Variants in PRPH2 observed in about 807,000 individuals in gnomAD.
PRPH2 encodes the protein peripherin-2.
Under a neutral mutation model 31.3 loss-of-function variants are expected in PRPH2, and 17 were observed. The observed-to-expected ratio is 0.54, with a 90% CI of 0.37 to 0.81. PRPH2 has a LOEUF of 0.81. PRPH2 is among the 40% of genes least tolerant of loss of function. The probability of loss-of-function intolerance (pLI) is 0.00; values close to 1 mark genes in which losing one functional copy is unlikely to be tolerated. For missense variants in PRPH2, 430 were observed against 439.7 expected (o/e 0.98, Z 0.20); for synonymous variants, 165 against 184.4 (o/e 0.89, Z 0.85).
At chr6:42,702,623 G>T (rs1800067502) in intron 2 of PRPH2, among the ~76,000 whole-genome samples, 1 of 151,942 alleles carries the variant, frequency 6.6e-6, no homozygotes, top group South Asian at 2.1e-4. Context: ...CAGCACTTTG[G>T]GAGGCCGAGG....
Position 42,707,811 on chromosome 6 carries a change from G to A in PRPH2, c.582-3200C>T, listed in dbSNP as rs145660653. Among the ~76,000 whole-genome samples the A allele has an allele frequency of 9.8e-3, 1,496 of 152,162 alleles. 28 individuals are homozygous for A. The highest frequency in any genetic ancestry group is 0.034 in the African/African-American group (1,428 of 41,490). ...CCCTGTAATCCCTGCCCTCTACTTCGTGGGCAGAACACACTGCCCAGAGAC... is the reference window on the plus strand; with the variant it reads ...CCCTGTAATCCCTGCCCTCTACTTCATGGGCAGAACACACTGCCCAGAGAC... On this transcript the variant is annotated intron_variant, in intron 1 of 2. Transcript: ENST00000230381.
chr6:42,698,454 G>T lies in PRPH2; in HGVS notation c.882C>A (p.Ser294=). The T allele has an allele frequency of 6.2e-7, 1 of 1,614,162 alleles. No individual in the cohort carries two copies. Among genetic ancestry groups the T allele is most frequent in the Non-Finnish European group, 8.5e-7 (1 of 1,180,016 alleles). The change falls in exon 3 of 3, where the codon TCC becomes TCA. Residue 294 remains serine (S), a synonymous_variant. Coordinates refer to ENST00000230381, the MANE Select transcript of PRPH2 (RefSeq NM_000322.5). ...RYLQTSLDGV[S]NPEESESESQ... ...TCTCGCTCTCAGATTCCTCGGGGTT[G>T]GACACACCATCCAGCGACGTCTGTA... is the stretch of plus-strand genomic sequence containing the variant.
chr6:42,700,712 GA>G lies in PRPH2; in HGVS notation c.829-2206del, dbSNP rs1462079306. On this transcript the variant is annotated intron_variant, in intron 2 of 2. Coordinates refer to ENST00000230381, the MANE Select transcript of PRPH2 (RefSeq NM_000322.5). ...CACTGTGAGTTTTGCACTTGGTAGT[GA>G]TCCTCCCTTTGGCTCATAAATTAGA... Among the ~76,000 whole-genome samples the G allele has an allele frequency of 3.9e-5, 6 of 152,278 alleles. No individual in the cohort carries two copies. In the South Asian group the frequency reaches 1.2e-3, roughly 32 times the overall value.
intron 1 of PRPH2, among the ~76,000 whole-genome samples, chr6:42,705,585 AAAAAAAAAAAAAAAATATATATAT>A (rs1191213761): frequency 0.025 from 441 of 17,560 alleles, 22 homozygotes; most frequent in Middle Eastern, 0.043. Context: ...AAAAAAAAAA[AAAAAAAAAAAAAAAATATATATAT>A]ATATATATAT....
At chr6:42,715,375 A>G (rs973159180) in intron 1 of PRPH2, among the ~76,000 whole-genome samples, 3 of 151,910 alleles carry the variant, frequency 2.0e-5, no homozygotes, top group African/African-American at 7.3e-5. Context: ...CTCCCCTAAG[A>G]CAGAGCAGCC....
chr6:42,700,044 C>T (rs1432031040), intron 2 of PRPH2, among the ~76,000 whole-genome samples: 5 of 150,374 alleles, frequency 3.3e-5, no homozygotes, highest in Admixed American at 6.6e-5. Context: ...CTGCAATCTC[C>T]GCCTCCCGGG....
chr6:42,705,663 A>AT (rs1025528891), intron 1 of PRPH2, among the ~76,000 whole-genome samples: 5 of 139,984 alleles, frequency 3.6e-5, no homozygotes, highest in Non-Finnish European at 6.1e-5. Context: ...TGTCATCTAA[A>AT]TAAAAAGTTG....
rs1064793237 is a variant in PRPH2 at position 42,721,813 on chromosome 6, C to G, written c.522G>C (p.Trp174Cys). 6.2e-7 allele frequency: 1 copy of G among 1,614,208 alleles called. No homozygotes were observed. The change falls in exon 1 of 3, where the codon TGG (tryptophan) becomes TGC (cysteine). Residue 174 changes from tryptophan to cysteine, a missense_variant. By Grantham distance (215) the Trp-to-Cys change is radical. Coordinates refer to ENST00000230381, the MANE Select transcript of PRPH2 (RefSeq NM_000322.5). ...GATTGCTGATCCACTGAATCTCAAACCAGTCCCGAAAACCGTTGTTGCCGC... is the reference window on the plus strand; with the variant it reads ...GATTGCTGATCCACTGAATCTCAAAGCAGTCCCGAAAACCGTTGTTGCCGC... ...KCCGNNGFRD[W>C]FEIQWISNRY...
At chr6:42,705,075 A>C (rs1433103441) in intron 1 of PRPH2, among the ~76,000 whole-genome samples, 1 of 152,136 alleles carries the variant, frequency 6.6e-6, no homozygotes, top group Non-Finnish European at 1.5e-5. Flanking sequence ...AGGCCTGCTC[A>C]GTCCCAGGGC....
intron 1 of PRPH2, among the ~76,000 whole-genome samples, chr6:42,720,413 G>A (rs893329331): frequency 2.6e-5 from 4 of 151,992 alleles, no homozygotes; most frequent in African/African-American, 9.7e-5. Context: ...GCCCTCCTCG[G>A]GAGATTTATG....
chr6:42,710,266 C>A (rs1249681746), intron 1 of PRPH2, among the ~76,000 whole-genome samples: 4 of 152,126 alleles, frequency 2.6e-5, no homozygotes, highest in Non-Finnish European at 5.9e-5. Flanking sequence ...GAAGATGGGG[C>A]TGTCTCCCCT....
rs189358082 is a variant in PRPH2 at position 42,704,392 on chromosome 6, G to A, written c.801C>T (p.Val267=). 1.7e-5 allele frequency: 28 copies of A among 1,609,580 alleles called. No individual in the cohort carries two copies. The highest frequency in any genetic ancestry group is 5.5e-5 in the South Asian group (5 of 90,246). Residue 267 remains valine (V), a synonymous_variant, in exon 2 of 3, where the codon GTC becomes GTT. Coordinates refer to ENST00000230381, the MANE Select transcript of PRPH2 (RefSeq NM_000322.5). ...CGAAGAGCCAAATGAGGAGCGTGAC[G>A]ACACCCATGGAGTTCATGAGGCTGC... ...YYSSLMNSMG[V]VTLLIWLFEV...
In PRPH2 at chr6:42,705,582, AAAAAAAAAAAAAAAAAAATATAT is replaced by A. The variant is rs1211387666; in HGVS notation, c.582-994_582-972del. 3.6e-3 allele frequency among the ~76,000 whole-genome samples: 73 copies of A among 20,162 alleles called. 3 individuals carry two copies. The highest frequency in any genetic ancestry group is 6.4e-3 in the East Asian group (2 of 314). 13.2% of individuals were successfully genotyped at this position (20,162 alleles called of 152,430 possible). On this transcript the variant is annotated intron_variant, in intron 1 of 2. Coordinates refer to ENST00000230381, the MANE Select transcript of PRPH2 (RefSeq NM_000322.5). Reference sequence around the variant, plus strand: ...CAGAACAAGACTTTCTCTAAAAAAAAAAAAAAAAAAAAAAAAAATATATATATATATATATATATATATATATA... The same window carrying A: ...CAGAACAAGACTTTCTCTAAAAAAAAATATATATATATATATATATATATA...
chr6:42,706,378 C>A (rs1348429641), intron 1 of PRPH2, among the ~76,000 whole-genome samples: 2 of 151,360 alleles, frequency 1.3e-5, no homozygotes, highest in Non-Finnish European at 1.5e-5. Context: ...GTACTCCAGC[C>A]TGGGCGACAC....
intron 1 of PRPH2, among the ~76,000 whole-genome samples, chr6:42,714,853 T>G (rs1384884595): frequency 6.6e-6 from 1 of 152,238 alleles, no homozygotes; most frequent in Admixed American, 6.5e-5. Flanking sequence ...CCCCACTTCC[T>G]ATTGTGTGAT....
chr6:42,697,207 T>C lies in PRPH2; in HGVS notation c.*1088A>G, dbSNP rs1185879632. On this transcript the variant is annotated 3_prime_UTR_variant, in exon 3 of 3. Coordinates refer to ENST00000230381, the MANE Select transcript of PRPH2 (RefSeq NM_000322.5). ...CTAAAGAAAGTGAAAACTCCTGTAT[T>C]TGCTAGCTCAGGAAGATGGGCTATC... 3.3e-5 allele frequency: 5 copies of C among 152,132 alleles called. No individual in the cohort carries two copies. The highest frequency in any genetic ancestry group is 7.3e-5 in the Non-Finnish European group (5 of 68,030). The allele number at this position is 152,132 out of a possible 1,614,324, so 9.4% of individuals were successfully genotyped here.
intron 2 of PRPH2, among the ~76,000 whole-genome samples, chr6:42,700,223 C>T (rs1326388595): frequency 2.0e-5 from 3 of 152,236 alleles, no homozygotes; most frequent in Non-Finnish European, 4.4e-5. Context: ...GCCTCAGCCT[C>T]CCAAAGTGCT....
chr6:42,720,609 G>A (rs969221512), intron 1 of PRPH2, among the ~76,000 whole-genome samples: 1 of 152,120 alleles, frequency 6.6e-6, no homozygotes, highest in African/African-American at 2.4e-5. Context: ...TAGCTATTTG[G>A]GCGTCATTAA....
chr6:42,701,682 ATTTTT>A (rs70990127), intron 2 of PRPH2, among the ~76,000 whole-genome samples: 14 of 78,524 alleles, frequency 1.8e-4, no homozygotes, highest in South Asian at 4.6e-4. Context: ...ACGTCCAGCA[ATTTTT>A]TTTTTTTTTT....
Sources: allele counts gnomAD v4.1 joint callset (sites outside exome capture counted in the v4.1 genomes callset), GRCh38; gene constraint gnomAD v4.1.1; transcripts MANE v1.5; gene names NCBI Gene and HGNC (gene_info 2026-07-23, HGNC 2026-07-21).